Variants in PRIM2 observed in about 807,000 individuals in gnomAD.
PRIM2 encodes DNA primase subunit 2, also known as DNA primase large subunit.
Under a neutral mutation model 67.3 loss-of-function variants are expected in PRIM2, and 39 were observed. The ratio of observed to expected loss-of-function variants is 0.58; its 90% CI spans 0.45 to 0.76. PRIM2 has a LOEUF of 0.76. PRIM2 is among the 30% of genes least tolerant of loss of function. PRIM2 has a pLI of 0.00. For missense variants in PRIM2, 398 were observed against 598.7 expected (o/e 0.66, Z 3.50); for synonymous variants, 143 against 198.7 (o/e 0.72, Z 2.36).
the PRIM2 span, among the ~76,000 whole-genome samples, chr6:57,226,388 C>G: frequency 2.0e-5 from 3 of 152,162 alleles, no homozygotes; most frequent in Admixed American, 2.0e-4. Flanking sequence ...CAGAAAAAGC[C>G]TTTAAGCAGA....
chr6:57,565,623 T>G (rs1288192416), intron 10 of PRIM2, among the ~76,000 whole-genome samples: 126 of 152,272 alleles, frequency 8.3e-4, no homozygotes, highest in South Asian at 2.7e-3. Context: ...CCTCCTACAT[T>G]GGGGAGAGCA....
At chr6:57,572,480 G>A (rs1775880649) in intron 10 of PRIM2, among the ~76,000 whole-genome samples, 1 of 152,188 alleles carries the variant, frequency 6.6e-6, no homozygotes, top group South Asian at 2.1e-4. Context: ...AATTTTGCAG[G>A]TTTGTGGGAT....
At chr6:57,366,857 G>A (rs1171725390) in intron 5 of PRIM2, among the ~76,000 whole-genome samples, 1 of 152,160 alleles carries the variant, frequency 6.6e-6, no homozygotes, top group African/African-American at 2.4e-5. Context: ...AGGGAATAAA[G>A]TTATGTTAAT....
At chr6:57,274,858 CCT>C in the PRIM2 span, among the ~76,000 whole-genome samples, 1 of 151,692 alleles carries the variant, frequency 6.6e-6, no homozygotes, top group East Asian at 2.0e-4. Context: ...GTCACTGCAA[CCT>C]CTGTCTCCCA....
intron 10 of PRIM2, among the ~76,000 whole-genome samples, chr6:57,596,760 A>C (rs1397236481): frequency 6.7e-6 from 1 of 150,344 alleles, no homozygotes; most frequent in East Asian, 2.0e-4. Context: ...TTTGAAAGAA[A>C]ATAAAATTTA....
intron 7 of PRIM2, among the ~76,000 whole-genome samples, chr6:57,427,707 G>A (rs1771678295): frequency 6.6e-6 from 1 of 152,096 alleles, no homozygotes; most frequent in South Asian, 2.1e-4. Context: ...GGAGATTGTT[G>A]TTTATTTATA....
At chr6:57,241,830 G>A in the PRIM2 span, among the ~76,000 whole-genome samples, 1 of 150,602 alleles carries the variant, frequency 6.6e-6, no homozygotes, top group East Asian at 1.9e-4. Flanking sequence ...CCGCCACCAC[G>A]CCTGGCTAAT....
intron 8 of PRIM2, among the ~76,000 whole-genome samples, chr6:57,508,547 A>G (rs1380867529): frequency 3.9e-5 from 6 of 152,098 alleles, no homozygotes; most frequent in Non-Finnish European, 5.9e-5. Flanking sequence ...CAGAATTGGA[A>G]TTACTTTGTC....
chr6:57,429,598 T>C (rs1214144643), intron 7 of PRIM2, among the ~76,000 whole-genome samples: 1 of 152,230 alleles, frequency 6.6e-6, no homozygotes, highest in Middle Eastern at 3.2e-3. Flanking sequence ...CTTCAGAATG[T>C]GACCGCATTT....
At chr6:57,501,448 C>T (rs1774129752) in intron 7 of PRIM2, among the ~76,000 whole-genome samples, 2 of 152,054 alleles carry the variant, frequency 1.3e-5, no homozygotes, top group South Asian at 2.1e-4. Flanking sequence ...TACAGGCGCC[C>T]GCCACCAAGC....
chr6:57,557,379 A>G (rs1239700843), intron 10 of PRIM2, among the ~76,000 whole-genome samples: 16 of 152,260 alleles, frequency 1.1e-4, no homozygotes, highest in South Asian at 2.1e-4. Context: ...AGTGCCCATC[A>G]GTGACAGATT....
the PRIM2 span, among the ~76,000 whole-genome samples, chr6:57,240,922 C>T: frequency 2.0e-5 from 3 of 151,956 alleles, no homozygotes; most frequent in African/African-American, 7.2e-5. Context: ...GACCTCATCT[C>T]TACTAAAAAT....
chr6:57,262,218 G>A, the PRIM2 span, among the ~76,000 whole-genome samples: 2 of 152,078 alleles, frequency 1.3e-5, no homozygotes, highest in African/African-American at 2.4e-5. Context: ...CTGAGCTTCC[G>A]TTTTCTTGCT....
the PRIM2 span, among the ~76,000 whole-genome samples, chr6:57,226,263 T>C: frequency 6.6e-6 from 1 of 152,190 alleles, no homozygotes; most frequent in Non-Finnish European, 1.5e-5. Flanking sequence ...ACTGGTATGA[T>C]GGAAGCATGT....
chr6:57,236,591 G>C, the PRIM2 span, among the ~76,000 whole-genome samples: 58 of 151,988 alleles, frequency 3.8e-4, no homozygotes, highest in Middle Eastern at 3.4e-3. Flanking sequence ...ACAGGCCCTG[G>C]TGTGTGATGT....
At chr6:57,326,893 CTTTTTTT>C (rs70989764) in intron 5 of PRIM2, among the ~76,000 whole-genome samples, 29 of 131,504 alleles carry the variant, frequency 2.2e-4, no homozygotes, top group South Asian at 1.6e-3. Context: ...GAATTTGTAT[CTTTTTTT>C]TTTTTTTTTT....
intron 7 of PRIM2, among the ~76,000 whole-genome samples, chr6:57,385,926 CTTT>C (rs989162890): frequency 2.1e-5 from 3 of 143,966 alleles, no homozygotes; most frequent in Admixed American, 2.0e-4. Context: ...AGGCATTTGG[CTTT>C]TGTTTTCTTT....
chr6:57,422,158 C>CTTTTTTTTCTTTT (rs1771486266), intron 7 of PRIM2, among the ~76,000 whole-genome samples: 1 of 103,318 alleles, frequency 9.7e-6, no homozygotes, highest in Non-Finnish European at 1.9e-5. Context: ...TCTTTTCTTT[C>CTTTTTTTTCTTTT]TTTTTTTTTT....
At chr6:57,246,472 G>A in the PRIM2 span, among the ~76,000 whole-genome samples, 1 of 152,268 alleles carries the variant, frequency 6.6e-6, no homozygotes, top group East Asian at 1.9e-4. Flanking sequence ...CAATCTCCAG[G>A]AGATACGCCG....
Sources: gnomAD v4.1 joint callset for allele counts (sites outside exome capture counted in the v4.1 genomes callset) on GRCh38, gnomAD v4.1.1 for gene constraint, MANE v1.5 for transcripts, NCBI Gene and HGNC (gene_info 2026-07-23, HGNC 2026-07-21) for gene names.